The following DENND2A variants were observed in gnomAD, a reference collection of about 807,000 sequenced individuals.
DENND2A encodes the protein DENN domain containing 2A, also known as DENN domain-containing protein 2A.
In DENND2A, 53 loss-of-function variants were observed where a neutral mutation model predicts 105.3. The ratio of observed to expected loss-of-function variants is 0.50; its 90% CI spans 0.40 to 0.63. The LOEUF is 0.63. Among genes scored for constraint, DENND2A ranks in the 30% least tolerant of loss-of-function variants. The pLI is 0.00. For missense variants in DENND2A, 1,138 were observed against 1,279.6 expected (o/e 0.89, Z 1.69); for synonymous variants, 522 against 508.4 (o/e 1.03, Z -0.36).
rs747718646 is a variant in DENND2A at position 140,574,017 on chromosome 7, G to A, written c.1246-9C>T. On this transcript the variant is annotated splice_polypyrimidine_tract_variant and intron_variant, in intron 5 of 19. Coordinates refer to ENST00000496613, the MANE Select transcript of DENND2A (RefSeq NM_015689.5). ...GGTTTGGACAATGACTGCTGTGAAGGAAAAGGAGAAAAGAAGAGTAAATGA... is the reference window on the plus strand; with the variant it reads ...GGTTTGGACAATGACTGCTGTGAAGAAAAAGGAGAAAAGAAGAGTAAATGA... 1.2e-6 allele frequency: 2 copies of A among 1,614,056 alleles called. No homozygotes were observed. The highest frequency in any genetic ancestry group is 1.7e-6 in the Non-Finnish European group (2 of 1,179,968).
At chr7:140,638,788 C>G (rs923385031) in intron 1 of DENND2A, among the ~76,000 whole-genome samples, 4 of 152,220 alleles carry the variant, frequency 2.6e-5, no homozygotes, top group African/African-American at 9.7e-5. Flanking sequence ...CAGGGCTTAG[C>G]CCAAGCATCA....
intron 1 of DENND2A, among the ~76,000 whole-genome samples, chr7:140,624,272 G>GT (rs1325582455): frequency 2.0e-5 from 3 of 152,296 alleles, no homozygotes; most frequent in Non-Finnish European, 2.9e-5. Flanking sequence ...GATCCAGTGG[G>GT]TTACTGGGAA....
At chr7:140,537,193 C>T (rs1796483180) in intron 14 of DENND2A, among the ~76,000 whole-genome samples, 1 of 152,136 alleles carries the variant, frequency 6.6e-6, no homozygotes, top group African/African-American at 2.4e-5. Context: ...GCAACCAATT[C>T]TAAAAAGGAC....
At chr7:140,553,487 C>T (rs996767624) in intron 12 of DENND2A, among the ~76,000 whole-genome samples, 2 of 152,112 alleles carry the variant, frequency 1.3e-5, no homozygotes, top group African/African-American at 4.8e-5. Flanking sequence ...AAGAGGCATT[C>T]CTTCCTCTTA....
Position 140,634,289 on chromosome 7 carries a change from C to T in DENND2A, c.-248+6215G>A, listed in dbSNP as rs977187576. On this transcript the variant is annotated intron_variant, in intron 1 of 19. Transcript: ENST00000496613. ...CTGGGATTACAGGCGTGAGCCACCGCGCCCGGCCTAAAATACATTTCAAAG... is the reference window on the plus strand; with the variant it reads ...CTGGGATTACAGGCGTGAGCCACCGTGCCCGGCCTAAAATACATTTCAAAG... Among the ~76,000 whole-genome samples the T allele has an allele frequency of 4.1e-4, 63 of 152,140 alleles. 1 individual carries two copies. The highest frequency in any genetic ancestry group is 1.4e-3 in the African/African-American group (58 of 41,428).
In DENND2A at chr7:140,624,675, C is replaced by G. The variant is rs114650695; in HGVS notation, c.-248+15829G>C. Among the ~76,000 whole-genome samples, 906 of 152,072 alleles carry G rather than the reference C, an allele frequency of 6.0e-3. 6 individuals carry two copies. The highest frequency in any genetic ancestry group is 0.02 in the African/African-American group (840 of 41,500). ...GGAGAACCTGGATCTGCTAGTTACA[C>G]GTTCCATGTTCTTGAAGGCATTTCT... is the stretch of plus-strand genomic sequence containing the variant. On this transcript the variant is annotated intron_variant, in intron 1 of 19. Coordinates refer to ENST00000496613, the MANE Select transcript of DENND2A (RefSeq NM_015689.5).
chr7:140,518,664 C>A lies in DENND2A; in HGVS notation c.*43G>T, dbSNP rs6852. The stretch of plus-strand genomic sequence containing the variant: ...AGGCCACCAGGAACTGTTTTTAAAG[C>A]ATAGGGCTGCACTAGGAGGAAGTTT... On this transcript the variant is annotated 3_prime_UTR_variant, in exon 20 of 20. Coordinates refer to ENST00000496613, the MANE Select transcript of DENND2A (RefSeq NM_015689.5). 828,093 of 1,599,632 alleles carry A rather than the reference C, an allele frequency of 0.52. 220,829 individuals carry two copies. The highest frequency in any genetic ancestry group is 0.8 in the East Asian group (35,694 of 44,736).
At position 140,592,420 on chromosome 7, in the gene DENND2A, C is replaced by G. The variant is rs572996078; in HGVS notation, c.996-4640G>C. On this transcript the variant is annotated intron_variant, in intron 3 of 19. Coordinates refer to ENST00000496613, the MANE Select transcript of DENND2A (RefSeq NM_015689.5). Reference sequence around the variant, plus strand: ...TAGAGACTGGGTTTCACCGTGTTAGCCAGGATGGTTTTGATCTCCTGACGT... The same window carrying G: ...TAGAGACTGGGTTTCACCGTGTTAGGCAGGATGGTTTTGATCTCCTGACGT... Among the ~76,000 whole-genome samples the G allele has an allele frequency of 3.3e-4, 50 of 151,788 alleles. 1 individual carries two copies. The South Asian group carries it at 0.01, about 32-fold the overall frequency.
chr7:140,601,704 C>A lies in DENND2A; in HGVS notation c.694G>T (p.Val232Leu). The A allele has an allele frequency of 6.2e-7, 1 of 1,614,126 alleles. No homozygotes were observed. Among genetic ancestry groups the A allele is most frequent in the Non-Finnish European group, 8.5e-7 (1 of 1,180,012 alleles). The change falls in exon 3 of 20, where the codon GTG (valine) becomes TTG (leucine). Residue 232 changes from valine to leucine, a missense_variant. By Grantham distance (32) the Val-to-Leu change is conservative. Coordinates refer to ENST00000496613, the MANE Select transcript of DENND2A (RefSeq NM_015689.5). The stretch of plus-strand genomic sequence containing the variant: ...CTGCATGAACCTTTCCTGTCCTCCA[C>A]AAGCTCAGGGGTGGGCTCCCTGCCT... ...LEGREPTPEL[V>L]EDRKGSCRRP...
Position 140,518,635 on chromosome 7 carries a change from A to G in DENND2A, c.*72T>C. 1 of 1,523,282 alleles carries G rather than the reference A, an allele frequency of 6.6e-7. No individual in the cohort carries two copies. The highest frequency in any genetic ancestry group is 9.1e-7 in the Non-Finnish European group (1 of 1,101,880). The allele number at this position is 1,523,282 out of a possible 1,614,324, so 94.4% of individuals were successfully genotyped here. On this transcript the variant is annotated 3_prime_UTR_variant, in exon 20 of 20. Coordinates refer to ENST00000496613, the MANE Select transcript of DENND2A (RefSeq NM_015689.5). ...GTGACAACCTGGGACCCAGCCTTTC[A>G]GAAAGGCCACCAGGAACTGTTTTTA...
intron 8 of DENND2A, among the ~76,000 whole-genome samples, chr7:140,568,191 C>T (rs1363421303): frequency 3.3e-5 from 5 of 152,158 alleles, no homozygotes; most frequent in Admixed American, 6.5e-5. Context: ...CCACCCGCCT[C>T]GGCCTCCTAA....
intron 18 of DENND2A, among the ~76,000 whole-genome samples, chr7:140,520,199 G>A (rs7803669): frequency 0.1 from 15,252 of 151,944 alleles, 851 homozygotes; most frequent in Admixed American, 0.16. Flanking sequence ...CCAGCTACTC[G>A]GGAGGCTGAG....
At chr7:140,526,676 C>T (rs892041241) in intron 15 of DENND2A, among the ~76,000 whole-genome samples, 3 of 152,102 alleles carry the variant, frequency 2.0e-5, no homozygotes, top group Admixed American at 6.6e-5. Flanking sequence ...TTTAATGGGG[C>T]GTTAGGACTA....
At chr7:140,587,323 C>T (rs548194998) in intron 4 of DENND2A, among the ~76,000 whole-genome samples, 1 of 152,234 alleles carries the variant, frequency 6.6e-6, no homozygotes, top group African/African-American at 2.4e-5. Flanking sequence ...GGCTCAATGT[C>T]CTGCGGCCAA....
intron 3 of DENND2A, among the ~76,000 whole-genome samples, chr7:140,594,620 C>T (rs1290160692): frequency 1.3e-5 from 2 of 152,196 alleles, no homozygotes; most frequent in African/African-American, 2.4e-5. Context: ...CTGCAAATCC[C>T]GTGAGGACAG....
chr7:140,538,124 C>T (rs538078562), intron 14 of DENND2A, among the ~76,000 whole-genome samples: 29 of 152,246 alleles, frequency 1.9e-4, no homozygotes, highest in African/African-American at 7.0e-4. Flanking sequence ...ATTTTTGGCT[C>T]AACTTAAAAC....
At chr7:140,619,145 A>T (rs1446896540) in intron 1 of DENND2A, among the ~76,000 whole-genome samples, 1 of 152,210 alleles carries the variant, frequency 6.6e-6, no homozygotes, top group Non-Finnish European at 1.5e-5. Context: ...CAAAATCCTA[A>T]GGATGTAAAA....
intron 1 of DENND2A, among the ~76,000 whole-genome samples, chr7:140,623,860 GA>G (rs1232835340): frequency 6.6e-6 from 1 of 152,086 alleles, no homozygotes; most frequent in Non-Finnish European, 1.5e-5. Flanking sequence ...AAACCCTACT[GA>G]AAAAACTCTG....
chr7:140,602,366 C>G lies in DENND2A; in HGVS notation c.32G>C (p.Ser11Thr). 1.3e-6 allele frequency: 2 copies of G among 1,588,582 alleles called. No homozygotes were observed. Among genetic ancestry groups the G allele is most frequent in the Non-Finnish European group, 1.7e-6 (2 of 1,171,374 alleles). Residue 11 changes from serine (S) to threonine (T), a missense_variant, in exon 3 of 20, where the codon AGT (serine) becomes ACT (threonine). By Grantham distance (58) the Ser-to-Thr change is moderately conservative (BLOSUM62 1). Coordinates refer to ENST00000496613, the MANE Select transcript of DENND2A (RefSeq NM_015689.5). ...CCTGCTGGCTTCTGCAGCTGGGTCA[C>G]TGATGATCATATCCAAGCTGAACAT... The part of the protein sequence containing the change: MDMFSLDMII[S>T]DPAAEASRAG...
Sources: gnomAD v4.1 joint callset for allele counts (sites outside exome capture counted in the v4.1 genomes callset) on GRCh38, gnomAD v4.1.1 for gene constraint, MANE v1.5 for transcripts, NCBI Gene and HGNC (gene_info 2026-07-23, HGNC 2026-07-21) for gene names.